The following B3GALT1 variants were observed in gnomAD, a reference collection of about 807,000 sequenced individuals.
B3GALT1 encodes the protein beta-1,3-galactosyltransferase 1, also known as UDP-Gal:betaGlcNAc beta 1,3-galactosyltransferase, polypeptide 1.
B3GALT1 carries 10 observed loss-of-function variants against 23.2 expected under a neutral mutation model. The observed-to-expected ratio is 0.43, with a 90% confidence interval of 0.27 to 0.73. The LOEUF is 0.73. Ranked by LOEUF, B3GALT1 falls within the 30% of genes least tolerant of loss-of-function variation. The pLI, the probability that B3GALT1 is intolerant of heterozygous loss-of-function variation, is 0.21. For synonymous variants in B3GALT1, 156 were observed against 141.5 expected (o/e 1.10, Z -0.73); for missense variants, 299 against 405.4 (o/e 0.74, Z 2.25).
intron 2 of B3GALT1, among the ~76,000 whole-genome samples, chr2:167,597,007 G>T (rs575710005): frequency 6.6e-6 from 1 of 152,236 alleles, no homozygotes; most frequent in East Asian, 1.9e-4. Context: ...CCAAGGGCAT[G>T]CAATTAGTGA....
chr2:167,384,223 A>T (rs542394311), intron 1 of B3GALT1, among the ~76,000 whole-genome samples: 1 of 152,188 alleles, frequency 6.6e-6, no homozygotes, highest in Admixed American at 6.5e-5. Flanking sequence ...AGTGTTAGCT[A>T]TTGGTAAAAT....
intron 3 of B3GALT1, among the ~76,000 whole-genome samples, chr2:167,755,723 C>A (rs1687805259): frequency 6.6e-6 from 1 of 152,004 alleles, no homozygotes; most frequent in Admixed American, 6.6e-5. Flanking sequence ...CTCTTAGTGA[C>A]TCAGGAGGCC....
chr2:167,819,804 TG>T (rs773723793), intron 4 of B3GALT1, among the ~76,000 whole-genome samples: 1 of 152,240 alleles, frequency 6.6e-6, no homozygotes, highest in Non-Finnish European at 1.5e-5. Flanking sequence ...GCCTCTCTCC[TG>T]GTTCTTATTT....
intron 1 of B3GALT1, among the ~76,000 whole-genome samples, chr2:167,489,913 AT>A (rs1438434827): frequency 6.6e-6 from 1 of 152,200 alleles, no homozygotes; most frequent in Admixed American, 6.5e-5. Context: ...AAATGACTTT[AT>A]AACCAGTAAA....
chr2:167,628,173 C>T (rs1685377159), intron 2 of B3GALT1, among the ~76,000 whole-genome samples: 1 of 151,614 alleles, frequency 6.6e-6, no homozygotes, highest in Admixed American at 6.6e-5. Context: ...ATTTTCTTAA[C>T]AGTGTACATT....
intron 3 of B3GALT1, among the ~76,000 whole-genome samples, chr2:167,738,848 G>A (rs1185930907): frequency 6.6e-6 from 1 of 152,154 alleles, no homozygotes; most frequent in African/African-American, 2.4e-5. Context: ...ATAGTTGCAC[G>A]TTGAACTTCA....
At chr2:167,784,985 T>C (rs185173036) in intron 3 of B3GALT1, among the ~76,000 whole-genome samples, 59 of 152,298 alleles carry the variant, frequency 3.9e-4, no homozygotes, top group Admixed American at 3.3e-4. Context: ...ATGGAAAGCA[T>C]TGAAAGTGTC....
chr2:167,841,999 C>T (rs532679917), intron 4 of B3GALT1, among the ~76,000 whole-genome samples: 12 of 152,254 alleles, frequency 7.9e-5, no homozygotes, highest in Non-Finnish European at 1.3e-4. Context: ...TATTAGAATG[C>T]GGTTTAGCAT....
At chr2:167,542,361 A>G (rs975131176) in intron 2 of B3GALT1, among the ~76,000 whole-genome samples, 2 of 152,156 alleles carry the variant, frequency 1.3e-5, no homozygotes, top group Admixed American at 6.5e-5. Flanking sequence ...ACTTTCTACA[A>G]TGGGGAACCC....
intron 3 of B3GALT1, among the ~76,000 whole-genome samples, chr2:167,740,047 C>CA (rs1328554782): frequency 1.3e-5 from 2 of 151,100 alleles, no homozygotes; most frequent in African/African-American, 4.9e-5. Flanking sequence ...TGCAGTGAGC[C>CA]ATGATTGCAC....
intron 1 of B3GALT1, among the ~76,000 whole-genome samples, chr2:167,488,661 G>T (rs1699659827): frequency 6.6e-6 from 1 of 152,132 alleles, no homozygotes; most frequent in Non-Finnish European, 1.5e-5. Flanking sequence ...CATGAATTTT[G>T]TCAAGTATAT....
intron 1 of B3GALT1, among the ~76,000 whole-genome samples, chr2:167,400,178 GTGTGTGTGTGTGTGTC>G: frequency 6.6e-6 from 1 of 151,210 alleles, no homozygotes; most frequent in South Asian, 2.1e-4. Flanking sequence ...GTGTGTGTGT[GTGTGTGTGTGTGTGTC>G]TGTGTGTGTG....
chr2:167,533,250 A>G (rs1050039267), intron 2 of B3GALT1, among the ~76,000 whole-genome samples: 1 of 152,068 alleles, frequency 6.6e-6, no homozygotes, highest in Non-Finnish European at 1.5e-5. Context: ...CACAATAAGA[A>G]TGATCATCTT....
intron 2 of B3GALT1, among the ~76,000 whole-genome samples, chr2:167,569,511 A>G (rs1360602844): frequency 6.6e-6 from 1 of 151,948 alleles, no homozygotes; most frequent in Non-Finnish European, 1.5e-5. Flanking sequence ...TTGCTAGTAT[A>G]TGGTAAAGCA....
In B3GALT1 at chr2:167,869,849, G is replaced by C; in HGVS notation, c.810G>C (p.Leu270=). The stretch of plus-strand genomic sequence containing the variant: ...ACCTTGAAGACGTATATGTGGGACT[G>C]TGTCTTCGAAAGCTGGGCATACATC... The part of the protein sequence containing the change: ...LLHLEDVYVG[L]CLRKLGIHPF... The change falls in exon 5 of 5, where the codon CTG becomes CTC. Residue 270 remains leucine, a synonymous_variant. Transcript: ENST00000392690. This position sits in a 1 kb window ranked among gnomAD's most constrained non-coding sequence, Gnocchi z 6.4. The C allele has an allele frequency of 6.2e-7, 1 of 1,614,170 alleles. No homozygotes were observed. Among genetic ancestry groups the C allele is most frequent in the Non-Finnish European group, 8.5e-7 (1 of 1,180,034 alleles).
At chr2:167,812,225 A>G (rs1232779845) in intron 3 of B3GALT1, among the ~76,000 whole-genome samples, 1 of 152,248 alleles carries the variant, frequency 6.6e-6, no homozygotes, top group African/African-American at 2.4e-5. Context: ...CATTGTTTGC[A>G]AGATATGCTG....
chr2:167,870,081 G>T lies in B3GALT1; in HGVS notation c.*61G>T. On this transcript the variant is annotated 3_prime_UTR_variant, in exon 5 of 5. Transcript: ENST00000392690. ...TTTAAGAAATGGGACCTAAGGTGTTGGTATTTTCCAGGTGTCGGGGGAAAT... is the reference window on the plus strand; with the variant it reads ...TTTAAGAAATGGGACCTAAGGTGTTTGTATTTTCCAGGTGTCGGGGGAAAT... 6.8e-7 allele frequency: 1 copy of T among 1,472,516 alleles called. No homozygotes were observed. Among genetic ancestry groups the T allele is most frequent in the Non-Finnish European group, 9.1e-7 (1 of 1,102,250 alleles). The allele number at this position is 1,472,516 out of a possible 1,614,324, so 91.2% of individuals were successfully genotyped here.
At chr2:167,504,971 A>C (rs1574107697) in intron 2 of B3GALT1, among the ~76,000 whole-genome samples, 1 of 152,210 alleles carries the variant, frequency 6.6e-6, no homozygotes, top group African/African-American at 2.4e-5. Flanking sequence ...GCATGACTAT[A>C]TGTACAGCCA....
intron 1 of B3GALT1, among the ~76,000 whole-genome samples, chr2:167,350,349 T>G (rs1697290877): frequency 6.6e-6 from 1 of 152,226 alleles, no homozygotes; most frequent in African/African-American, 2.4e-5. Context: ...AAGGAACGTT[T>G]AATTTCTGGA....
Sources: gnomAD v4.1 joint callset for allele counts (sites outside exome capture counted in the v4.1 genomes callset) on GRCh38, gnomAD v4.1.1 for gene constraint, Gnocchi (gnomAD v3.1) non-coding constraint, MANE v1.5 for transcripts, NCBI Gene and HGNC (gene_info 2026-07-23, HGNC 2026-07-21) for gene names.